Variants in ZBTB20 observed in about 807,000 individuals in gnomAD.
ZBTB20 encodes the protein zinc finger and BTB domain containing 20.
Under a neutral mutation model 56.9 loss-of-function variants are expected in ZBTB20, and 9 were observed. The observed-to-expected ratio is 0.16, with a 90% CI of 0.10 to 0.28. ZBTB20 has a LOEUF of 0.28. Among genes scored for constraint, ZBTB20 ranks in the 10% least tolerant of loss-of-function variants. The probability of loss-of-function intolerance (pLI) is 1.00; values close to 1 mark genes in which losing one functional copy is unlikely to be tolerated. For synonymous variants in ZBTB20, 417 were observed against 420.7 expected (o/e 0.99, Z 0.11); for missense variants, 655 against 1,003.0 (o/e 0.65, Z 4.69).
chr3:114,742,090 CAT>C (rs2066641677), intron 5 of ZBTB20, among the ~76,000 whole-genome samples: 3 of 152,028 alleles, frequency 2.0e-5, no homozygotes, highest in Admixed American at 2.0e-4. Context: ...AGTTTTTAGA[CAT>C]GTTTACAAAA....
Position 114,608,471 on chromosome 3 carries a change from T to C in ZBTB20, c.-295+85057A>G, listed in dbSNP as rs537701208. On this transcript the variant is annotated intron_variant, in intron 6 of 11. Coordinates refer to ENST00000675478, the MANE Select transcript of ZBTB20 (RefSeq NM_001348800.3). ...ACCCTGATGATTCTTAGTTCAGGGATGTTTGGGAAACACTGTTCTGGAGAA... is the reference window on the plus strand; with the variant it reads ...ACCCTGATGATTCTTAGTTCAGGGACGTTTGGGAAACACTGTTCTGGAGAA... Among the ~76,000 whole-genome samples the C allele has an allele frequency of 1.2e-4, 19 of 152,324 alleles. No individual in the cohort carries two copies. In the South Asian group the frequency reaches 3.7e-3, roughly 30 times the overall value.
chr3:114,946,820 A>T lies in ZBTB20; in HGVS notation c.-456+27546T>A, dbSNP rs1249073819. On this transcript the variant is annotated intron_variant, in intron 3 of 11. Transcript: ENST00000675478. ...AAAAACAGACAAATGGTACTTAATT[A>T]AACTAAAAAGCTTCTGCCCAGAAAT... Among the ~76,000 whole-genome samples the T allele has an allele frequency of 3.4e-5, 5 of 145,820 alleles. No homozygotes were observed. The East Asian group carries it at 9.6e-4, about 28-fold the overall frequency.
chr3:115,117,787 T>C (rs1030802351), intron 1 of ZBTB20, among the ~76,000 whole-genome samples: 13 of 152,144 alleles, frequency 8.5e-5, no homozygotes, highest in African/African-American at 3.1e-4. Context: ...AATAAATTAT[T>C]GTGAAATGTT....
chr3:114,600,199 G>A (rs950992), intron 6 of ZBTB20, among the ~76,000 whole-genome samples: 15,682 of 151,986 alleles, frequency 0.1, 998 homozygotes, highest in African/African-American at 0.17. Context: ...AACTTCTGTT[G>A]TCAAATCAAA....
intron 6 of ZBTB20, among the ~76,000 whole-genome samples, chr3:114,662,754 T>C (rs1273751236): frequency 1.3e-5 from 2 of 151,530 alleles, no homozygotes; most frequent in South Asian, 2.1e-4. Flanking sequence ...ATGGGGTTGT[T>C]TGTTTTTTTC....
intron 6 of ZBTB20, among the ~76,000 whole-genome samples, chr3:114,661,414 C>A (rs1213371291): frequency 2.0e-5 from 3 of 152,104 alleles, no homozygotes; most frequent in Admixed American, 6.5e-5. Context: ...CTTTTCAGAG[C>A]CAATTCAAGA....
At chr3:114,924,296 A>G (rs954770438) in intron 3 of ZBTB20, among the ~76,000 whole-genome samples, 1 of 152,230 alleles carries the variant, frequency 6.6e-6, no homozygotes, top group African/African-American at 2.4e-5. Context: ...AAAAGATGGA[A>G]ACTACCTAAG....
intron 7 of ZBTB20, among the ~76,000 whole-genome samples, chr3:114,489,597 C>T (rs977727780): frequency 7.9e-5 from 12 of 152,114 alleles, no homozygotes; most frequent in Middle Eastern, 3.4e-3. Flanking sequence ...CTAGAGAAGA[C>T]ACTAGAAGGT....
At chr3:115,100,925 A>T (rs1217502645) in intron 1 of ZBTB20, among the ~76,000 whole-genome samples, 1 of 152,250 alleles carries the variant, frequency 6.6e-6, no homozygotes, top group Non-Finnish European at 1.5e-5. Context: ...GACAAAACTG[A>T]TAACTGCAAA....
At position 114,325,215 on chromosome 3, in the gene ZBTB20, G is replaced by A. The variant is rs1451669821; in HGVS notation, c.*13790C>T. On this transcript the variant is annotated 3_prime_UTR_variant, in exon 12 of 12. Coordinates refer to ENST00000675478, the MANE Select transcript of ZBTB20 (RefSeq NM_001348800.3). ...GGAAAACTGAGGTTCAAATCAACGG[G>A]CCTAAAGAAGAAGTTTAGCAGCTGA... 6.6e-6 allele frequency: 1 copy of A among 152,050 alleles called. No individual in the cohort carries two copies. The highest frequency in any genetic ancestry group is 1.5e-5 in the Non-Finnish European group (1 of 68,012). 9.4% of individuals were successfully genotyped at this position (152,050 alleles called of 1,614,324 possible). A position where few individuals can be genotyped will look rare whatever the true frequency, so the allele number is the denominator to read the frequency against.
intron 2 of ZBTB20, among the ~76,000 whole-genome samples, chr3:114,988,089 TTC>T (rs1175479919): frequency 1.4e-5 from 2 of 146,334 alleles, no homozygotes; most frequent in East Asian, 3.9e-4. Flanking sequence ...GGTATCCAGT[TTC>T]TTTTTTTTTT....
At chr3:114,885,546 GCTAT>G (rs1196010203) in intron 4 of ZBTB20, among the ~76,000 whole-genome samples, 1 of 146,076 alleles carries the variant, frequency 6.8e-6, no homozygotes, top group East Asian at 2.0e-4. Flanking sequence ...AAAGAAATCT[GCTAT>G]CTAACAAAAT....
chr3:114,398,241 A>G (rs78599918), intron 7 of ZBTB20, among the ~76,000 whole-genome samples: 2,715 of 151,980 alleles, frequency 0.018, 39 homozygotes, highest in South Asian at 0.06. Flanking sequence ...CCTGTTTGCT[A>G]TATTATTAGC....
chr3:114,427,226 T>C (rs979020437), intron 7 of ZBTB20, among the ~76,000 whole-genome samples: 12 of 152,236 alleles, frequency 7.9e-5, no homozygotes, highest in African/African-American at 2.9e-4. Context: ...TTGTTTAATA[T>C]TATATTCATA....
At chr3:114,591,644 A>G (rs948037142) in intron 6 of ZBTB20, among the ~76,000 whole-genome samples, 10 of 152,186 alleles carry the variant, frequency 6.6e-5, no homozygotes, top group Non-Finnish European at 1.2e-4. Context: ...GGAATTCTCT[A>G]TACAAGTGAT....
rs546334365 is a variant in ZBTB20, at chr3:114,900,225, C to A, written c.-417+79G>T. The A allele has an allele frequency of 5.9e-5, 9 of 152,008 alleles. No individual in the cohort carries two copies. The East Asian group carries it at 1.4e-3, about 23-fold the overall frequency. The allele number at this position is 152,008 out of a possible 1,614,324, so 9.4% of individuals were successfully genotyped here. A position where few individuals can be genotyped will look rare whatever the true frequency, so the allele number is the denominator to read the frequency against. ...ATTTTTACATTATGAAATCTATAAG[C>A]AATTTTAATACATAAAAATATTATA... On this transcript the variant is annotated intron_variant, in intron 4 of 11. Transcript: ENST00000675478.
At chr3:114,400,020 G>GAGT (rs1399925032) in intron 7 of ZBTB20, among the ~76,000 whole-genome samples, 6 of 152,140 alleles carry the variant, frequency 3.9e-5, no homozygotes, top group African/African-American at 9.7e-5. Context: ...GCTAGCTAAT[G>GAGT]AGTAGTAGAA....
intron 6 of ZBTB20, among the ~76,000 whole-genome samples, chr3:114,621,425 G>A (rs189387847): frequency 1.7e-4 from 26 of 152,184 alleles, no homozygotes; most frequent in East Asian, 5.8e-4. Context: ...ATGGTTGTGC[G>A]TATATGTAGG....
At chr3:114,402,615 C>T (rs192887667) in intron 7 of ZBTB20, among the ~76,000 whole-genome samples, 41 of 152,266 alleles carry the variant, frequency 2.7e-4, no homozygotes, top group Admixed American at 2.5e-3. Flanking sequence ...TCCTAACTCA[C>T]GACGAGGATC....
Sources: allele counts gnomAD v4.1 joint callset (sites outside exome capture counted in the v4.1 genomes callset), GRCh38; gene constraint gnomAD v4.1.1; transcripts MANE v1.5; gene names NCBI Gene and HGNC (gene_info 2026-07-23, HGNC 2026-07-21).